Variants in HNRNPM observed in about 807,000 individuals in gnomAD.
HNRNPM encodes heterogeneous nuclear ribonucleoprotein M, also known as CEA receptor.
Under a neutral mutation model 73.1 loss-of-function variants are expected in HNRNPM, and 11 were observed. That is an observed-to-expected ratio of 0.15 (90% CI 0.09 to 0.25). The LOEUF (loss-of-function observed/expected upper bound fraction) is 0.25. HNRNPM is among the 10% of genes least tolerant of loss of function. The pLI is 1.00. For missense variants in HNRNPM, 789 were observed against 1,067.9 expected, an observed-to-expected ratio of 0.74 and a Z score of 3.64; for synonymous variants, 407 against 355.2, an observed-to-expected ratio of 1.15 and a Z score of -1.64.
chr19:8,473,166 C>T (rs1970271000), intron 10 of HNRNPM, among the ~76,000 whole-genome samples: 1 of 152,064 alleles, frequency 6.6e-6, no homozygotes, highest in South Asian at 2.1e-4. Context: ...TCACTTGAGC[C>T]TGGGATGTTG....
At chr19:8,459,153 C>A (rs1340507620) in intron 2 of HNRNPM, among the ~76,000 whole-genome samples, 1 of 152,226 alleles carries the variant, frequency 6.6e-6, no homozygotes, top group Non-Finnish European at 1.5e-5. Context: ...TCTTGAACTC[C>A]TGACCTCAGG....
At chr19:8,470,720 T>C (rs1599805378) in intron 9 of HNRNPM, among the ~76,000 whole-genome samples, 1 of 152,244 alleles carries the variant, frequency 6.6e-6, no homozygotes, top group African/African-American at 2.4e-5. Flanking sequence ...TTTGGCTGTT[T>C]CCAGAGACCA....
At chr19:8,466,852 A>AAAAAC (rs1969791223) in intron 7 of HNRNPM, among the ~76,000 whole-genome samples, 1 of 139,000 alleles carries the variant, frequency 7.2e-6, no homozygotes, top group Non-Finnish European at 1.6e-5. Flanking sequence ...AAAAAAAAAA[A>AAAAAC]GGTTCTCTGG....
rs775692566 is a variant in HNRNPM, at chr19:8,483,194, T to C, written c.1157T>C (p.Ile386Thr). Residue 386 changes from isoleucine to threonine, a missense_variant, in exon 13 of 16, where the codon ATT becomes ACT. Around this residue, in one of 4 missense-constraint regions of HNRNPM, gnomAD observed 604 missense variants for 744.0 expected, o/e 0.81. Coordinates refer to ENST00000325495, the MANE Select transcript of HNRNPM (RefSeq NM_005968.5). Reference protein sequence around the residue: ...LSNALKRGEIIAKQGGGGGGG... With the variant: ...LSNALKRGEITAKQGGGGGGG... Reference sequence around the variant, plus strand: ...AATGCACTGAAGAGAGGAGAGATCATTGCAAAGCAGGGAGGAGGTAGGAAC... The same window carrying C: ...AATGCACTGAAGAGAGGAGAGATCACTGCAAAGCAGGGAGGAGGTAGGAAC... 3 of 1,612,900 alleles carry C rather than the reference T, an allele frequency of 1.9e-6. No homozygotes were observed. Among genetic ancestry groups the C allele is most frequent in the South Asian group, 2.2e-5 (2 of 91,008 alleles).
chr19:8,483,269 A>T lies in HNRNPM; in HGVS notation c.1174+58A>T, dbSNP rs1272945562. The stretch of plus-strand genomic sequence containing the variant: ...TTAGAACAGGCTGTTATCGCTGGGG[A>T]CTGTAGAGCTTAGTGGTGAGAAGTG... On this transcript the variant is annotated intron_variant, in intron 13 of 15. Coordinates refer to ENST00000325495, the MANE Select transcript of HNRNPM (RefSeq NM_005968.5). The T allele has an allele frequency of 5.2e-6, 7 of 1,345,184 alleles. No homozygotes were observed. In the East Asian group the frequency reaches 9.2e-5, roughly 18 times the overall value. 83.3% of individuals were successfully genotyped at this position (1,345,184 alleles called of 1,614,324 possible).
At chr19:8,448,237 C>T (rs890287364) in intron 1 of HNRNPM, among the ~76,000 whole-genome samples, 32 of 152,116 alleles carry the variant, frequency 2.1e-4, no homozygotes, top group African/African-American at 7.7e-4. Flanking sequence ...CAAGCTTGAT[C>T]TGGGAACCCA....
At chr19:8,445,193 G>T in intron 1 of HNRNPM, 82 bp downstream of exon 1, 1 of 1,221,058 alleles carries the variant, frequency 8.2e-7, no homozygotes, top group Non-Finnish European at 1.1e-6. Flanking sequence ...AGGTCTGTTG[G>T]CGGCCTAGCC....
intron 15 of HNRNPM, 198 bp downstream of exon 15, chr19:8,487,273 T>G (rs1971380917): frequency 1.6e-6 from 1 of 615,742 alleles, no homozygotes; most frequent in East Asian, 2.8e-5. Context: ...GTGTTCTCAT[T>G]TCATCCTTAC....
chr19:8,468,825 C>A lies in HNRNPM; in HGVS notation c.886C>A (p.Gln296Lys), dbSNP rs1334908326. Residue 296 changes from glutamine to lysine, a missense_variant, in exon 9 of 16, where the codon CAA (glutamine) becomes AAA (lysine). Physicochemically the swap from Gln to Lys is moderately conservative, Grantham distance 53. Around this residue, in one of 4 missense-constraint regions of HNRNPM, gnomAD observed 604 missense variants for 744.0 expected, o/e 0.81. Coordinates refer to ENST00000325495, the MANE Select transcript of HNRNPM (RefSeq NM_005968.5). ...TTTCTTCCCTCCTGAGCGTCCACAA[C>A]AACTTCCCCGTAAGTGTTTCAGTGA... is the stretch of plus-strand genomic sequence containing the variant. ...GDFFPPERPQ[Q>K]LPHGLGGIGM... is the part of the protein sequence containing the mutation. 6.2e-7 allele frequency: 1 copy of A among 1,612,564 alleles called. No homozygotes were observed. Among genetic ancestry groups the A allele is most frequent in the East Asian group, 2.2e-5 (1 of 44,886 alleles).
chr19:8,454,185 T>A (rs1003792637), intron 1 of HNRNPM, among the ~76,000 whole-genome samples: 1 of 152,236 alleles, frequency 6.6e-6, no homozygotes, highest in Non-Finnish European at 1.5e-5. Flanking sequence ...CCTGGAACTT[T>A]TATTCTCATC....
At position 8,488,970 on chromosome 19, in the gene HNRNPM, T is replaced by C; in HGVS notation, c.*116T>C. On this transcript the variant is annotated 3_prime_UTR_variant, in exon 16 of 16. Coordinates refer to ENST00000325495, the MANE Select transcript of HNRNPM (RefSeq NM_005968.5). ...ATGTTTAAAAAATTCAGTTGCTTTT[T>C]GGGGTAATTTGAATTACTTTTTTAA... 1 of 963,952 alleles carries C rather than the reference T, an allele frequency of 1.0e-6. No homozygotes were observed. Among genetic ancestry groups the C allele is most frequent in the Non-Finnish European group, 1.5e-6 (1 of 658,296 alleles). The allele number at this position is 963,952 out of a possible 1,614,324, so 59.7% of individuals were successfully genotyped here.
Position 8,473,243 on chromosome 19 carries a change from A to C in HNRNPM, c.998-421A>C, listed in dbSNP as rs73499642. 1.3e-3 allele frequency among the ~76,000 whole-genome samples: 192 copies of C among 152,214 alleles called. 1 individual carries two copies. The highest frequency in any genetic ancestry group is 4.6e-3 in the African/African-American group (191 of 41,524). Reference sequence around the variant, plus strand: ...CAGTGACAGAAGGAGACCCTGTCTCAAAAACAAAAAAAACACAAAAACCCT... The same window carrying C: ...CAGTGACAGAAGGAGACCCTGTCTCCAAAACAAAAAAAACACAAAAACCCT... On this transcript the variant is annotated intron_variant, in intron 10 of 15. Coordinates refer to ENST00000325495, the MANE Select transcript of HNRNPM (RefSeq NM_005968.5).
At chr19:8,454,743 A>G (rs7248130) in intron 1 of HNRNPM, among the ~76,000 whole-genome samples, 5,830 of 127,988 alleles carry the variant, frequency 0.046, 258 homozygotes, top group African/African-American at 0.12. Context: ...GGATGGGCCT[A>G]TGTGTACTAC....
rs376839717 is a variant in HNRNPM, at chr19:8,466,410, A to T, written c.784+22A>T. 3.7e-6 allele frequency: 6 copies of T among 1,612,884 alleles called. No individual in the cohort carries two copies. In the African/African-American group the frequency reaches 8.0e-5, roughly 22 times the overall value. On this transcript the variant is annotated intron_variant, in intron 7 of 15. Coordinates refer to ENST00000325495, the MANE Select transcript of HNRNPM (RefSeq NM_005968.5). ...ATATGTATCCTTCTGCAGGAATTCA[A>T]CTTATGAACAGTTTGACCTAAATTG...
At chr19:8,488,035 T>A (rs1343129748) in intron 15 of HNRNPM, 1 of 134,778 alleles carries the variant, frequency 7.4e-6, no homozygotes, top group East Asian at 2.2e-4. Flanking sequence ...GCTGCACGTG[T>A]CCCGCAATGC....
rs1319385735 is a variant in HNRNPM, at chr19:8,486,092, T to C, written c.1664T>C (p.Leu555Pro). Residue 555 changes from leucine to proline, a missense_variant, in exon 14 of 16, where the codon CTG becomes CCG. Around this residue, in one of 4 missense-constraint regions of HNRNPM, gnomAD observed 604 missense variants for 744.0 expected, o/e 0.81. Transcript: ENST00000325495. Reference protein sequence around the residue: ...GPVMDRMATGLERMGANNLER... With the variant: ...GPVMDRMATGPERMGANNLER... ...GTGATGGATCGCATGGCCACCGGCC[T>C]GGAGCGCATGGGCGCCAACAATCTG... 6.2e-7 allele frequency: 1 copy of C among 1,605,610 alleles called. No individual in the cohort carries two copies. Among genetic ancestry groups the C allele is most frequent in the Non-Finnish European group, 8.5e-7 (1 of 1,179,356 alleles).
rs747529237 is a variant in HNRNPM at position 8,471,359 on chromosome 19, C to T, written c.929C>T (p.Pro310Leu). Reference protein sequence around the residue: ...GLGGIGMGLGPGGQPIDANHL... With the variant: ...GLGGIGMGLGLGGQPIDANHL... ...GGTGGTATTGGCATGGGGTTAGGAC[C>T]AGGAGGGCAACCCATTGATGCCAAT... is the stretch of plus-strand genomic sequence containing the variant. The change falls in exon 10 of 16, where the codon CCA (proline) becomes CTA (leucine). Residue 310 changes from proline to leucine, a missense_variant. Physicochemically the swap from Pro to Leu is moderately conservative, Grantham distance 98 (BLOSUM62 -3). Transcript: ENST00000325495. The T allele has an allele frequency of 6.2e-7, 1 of 1,605,902 alleles. No homozygotes were observed. The highest frequency in any genetic ancestry group is 1.1e-5 in the South Asian group (1 of 89,792).
At chr19:8,445,827 T>G (rs1462648256) in intron 1 of HNRNPM, among the ~76,000 whole-genome samples, 1 of 152,254 alleles carries the variant, frequency 6.6e-6, no homozygotes, top group Non-Finnish European at 1.5e-5. Flanking sequence ...GCGTTCACCC[T>G]CGGAAGCAGA....
chr19:8,470,048 T>G (rs922797949), intron 9 of HNRNPM, among the ~76,000 whole-genome samples: 15 of 152,252 alleles, frequency 9.9e-5, no homozygotes, highest in African/African-American at 3.4e-4. Flanking sequence ...GTGGTCACCC[T>G]GGACCATGGC....
Sources: gnomAD v4.1 joint callset for allele counts (sites outside exome capture counted in the v4.1 genomes callset) on GRCh38, gnomAD v4.1.1 for gene constraint, gnomAD v4.1.1 regional missense constraint, MANE v1.5 for transcripts, NCBI Gene and HGNC (gene_info 2026-07-23, HGNC 2026-07-21) for gene names.